Variants in GLB1 observed in about 807,000 individuals in gnomAD.
GLB1 encodes beta-galactosidase.
In GLB1, 56 loss-of-function variants were observed where a neutral mutation model predicts 74.0. The observed-to-expected ratio is 0.76, with a 90% CI of 0.61 to 0.94. GLB1 has a LOEUF of 0.94. GLB1 is among the 40% of genes least tolerant of loss of function. GLB1 has a pLI of 0.00. For synonymous variants in GLB1, 323 were observed against 323.6 expected, an observed-to-expected ratio of 1.00 and a Z score of 0.02; for missense variants, 787 against 845.5, an observed-to-expected ratio of 0.93 and a Z score of 0.86.
the GLB1 span, among the ~76,000 whole-genome samples, chr3:32,986,810 T>G: frequency 2.0e-5 from 3 of 152,088 alleles, no homozygotes; most frequent in African/African-American, 7.2e-5. Context: ...AGGCTGGTCA[T>G]GAATTCCTGA....
chr3:32,977,803 G>A, the GLB1 span, among the ~76,000 whole-genome samples: 2 of 152,176 alleles, frequency 1.3e-5, no homozygotes, highest in Non-Finnish European at 2.9e-5. Context: ...CCTCTGCACT[G>A]ACACCGTTCA....
intron 4 of GLB1, 134 bp downstream of exon 4, chr3:33,068,096 A>C: frequency 7.7e-7 from 1 of 1,303,060 alleles, no homozygotes; most frequent in Non-Finnish European, 1.1e-6. Context: ...CATTTTGGCC[A>C]GCCTGGTCTC....
At chr3:32,978,744 C>CT in the GLB1 span, among the ~76,000 whole-genome samples, 1 of 143,966 alleles carries the variant, frequency 6.9e-6, no homozygotes, top group Non-Finnish European at 1.5e-5. Context: ...CCCTGGTTTT[C>CT]TTTTTTTTCT....
chr3:33,075,885 C>CAA (rs528466855), intron 1 of GLB1, among the ~76,000 whole-genome samples: 7 of 148,232 alleles, frequency 4.7e-5, no homozygotes, highest in African/African-American at 1.7e-4. Context: ...ACTAAAAATA[C>CAA]AAAAAAAAAA....
At chr3:32,991,055 G>C in the GLB1 span, among the ~76,000 whole-genome samples, 11 of 152,132 alleles carry the variant, frequency 7.2e-5, no homozygotes, top group Non-Finnish European at 1.6e-4. Flanking sequence ...TGCACCTCTT[G>C]ATCAGAAATC....
chr3:33,038,717 G>T (rs996704023), intron 10 of GLB1, among the ~76,000 whole-genome samples: 16 of 152,094 alleles, frequency 1.1e-4, no homozygotes, highest in Non-Finnish European at 1.9e-4. Flanking sequence ...AAGAACCCTG[G>T]TAAATACTTC....
chr3:32,989,752 G>A, the GLB1 span, among the ~76,000 whole-genome samples: 15 of 152,242 alleles, frequency 9.9e-5, no homozygotes, highest in Admixed American at 2.0e-4. Context: ...TAAGAAGAGT[G>A]TGGGATTTGG....
Position 32,997,100 on chromosome 3 carries a change from C to G in GLB1, c.1979G>C (p.Arg660Thr). ...YDHPSKPVEK[R>T]LMPPPPQKNK... ...TTTTTGCGGGGGTGGGGGCATGAGT[C>G]TTTTTTCAACAGGTTTGGAGGGATG... Residue 660 changes from arginine (R) to threonine (T), a missense_variant, in exon 16 of 16, where the codon AGA becomes ACA. Coordinates refer to ENST00000307363, the MANE Select transcript of GLB1 (RefSeq NM_000404.4). 1 of 1,613,998 alleles carries G rather than the reference C, an allele frequency of 6.2e-7. No individual in the cohort carries two copies.
At chr3:32,999,109 G>A (rs1363260754) in intron 15 of GLB1, among the ~76,000 whole-genome samples, 1 of 152,278 alleles carries the variant, frequency 6.6e-6, no homozygotes, top group East Asian at 1.9e-4. Flanking sequence ...TACAAAAGAA[G>A]GGGGTCCGTG....
Position 33,085,587 on chromosome 3 carries a change from A to C in GLB1, c.75+11424T>G, listed in dbSNP as rs890256059. 2.6e-5 allele frequency among the ~76,000 whole-genome samples: 4 copies of C among 152,232 alleles called. No individual in the cohort carries two copies. The South Asian group carries it at 8.3e-4, about 32-fold the overall frequency. On this transcript the variant is annotated intron_variant, in intron 1 of 15. Coordinates refer to ENST00000307363, the MANE Select transcript of GLB1 (RefSeq NM_000404.4). ...TAGCAATCTAACCCATATAGCGCCT[A>C]AATTGTGATCTGCAAACATTTCCCA...
intron 1 of GLB1, chr3:33,092,136 G>A (rs1360589747): frequency 2.0e-5 from 20 of 985,254 alleles, no homozygotes; most frequent in Non-Finnish European, 2.4e-5. Context: ...CACCATCACC[G>A]ACCATGGCGC....
At chr3:33,034,222 G>A in intron 10 of GLB1, 4 of 654,102 alleles carry the variant, frequency 6.1e-6, no homozygotes, top group Non-Finnish European at 1.1e-5. Context: ...GCCTGATCCT[G>A]GCCTGTAGGA....
intron 5 of GLB1, 152 bp from the exon 6 acceptor site, chr3:33,058,421 G>A (rs1174089909): frequency 6.6e-6 from 7 of 1,057,964 alleles, no homozygotes; most frequent in Admixed American, 5.1e-5. Context: ...CCTCAAAACT[G>A]ACTAAAAGAA....
chr3:33,000,076 A>C (rs781245975), intron 15 of GLB1, among the ~76,000 whole-genome samples: 6 of 151,634 alleles, frequency 4.0e-5, no homozygotes, highest in Admixed American at 6.6e-5. Flanking sequence ...CATAGCTGGG[A>C]CTACGGGCAT....
At chr3:32,966,939 T>C in the GLB1 span, among the ~76,000 whole-genome samples, 3 of 152,334 alleles carry the variant, frequency 2.0e-5, no homozygotes, top group East Asian at 3.9e-4. Context: ...CATGTGGAAC[T>C]GTGAGTCCAT....
chr3:33,052,891 C>T (rs72856117), intron 7 of GLB1: 13,336 of 175,624 alleles, frequency 0.076, 1,249 homozygotes, highest in East Asian at 0.45. Flanking sequence ...AGGGTCTGCA[C>T]TGCTCACTAA....
chr3:32,967,743 G>A, the GLB1 span, among the ~76,000 whole-genome samples: 1 of 152,186 alleles, frequency 6.6e-6, no homozygotes, highest in South Asian at 2.1e-4. Flanking sequence ...TTGTCTGCGG[G>A]ACTAGAGCCT....
chr3:32,963,691 A>G, the GLB1 span, among the ~76,000 whole-genome samples: 1 of 152,240 alleles, frequency 6.6e-6, no homozygotes, highest in African/African-American at 2.4e-5. Flanking sequence ...ATATACCTAT[A>G]CCATTCACAA....
At chr3:33,090,098 G>A (rs1700684667) in intron 1 of GLB1, among the ~76,000 whole-genome samples, 1 of 152,134 alleles carries the variant, frequency 6.6e-6, no homozygotes, top group African/African-American at 2.4e-5. Context: ...CAAAAATCTG[G>A]CTACTAGCCC....
Sources: allele counts gnomAD v4.1 joint callset (sites outside exome capture counted in the v4.1 genomes callset), GRCh38; gene constraint gnomAD v4.1.1; transcripts MANE v1.5; gene names NCBI Gene and HGNC (gene_info 2026-07-23, HGNC 2026-07-21).